PCDH9: variants seen among roughly 807,000 people sequenced by gnomAD.
The protein encoded by PCDH9 is protocadherin 9, also known as protocadherin-9.
Under a neutral mutation model 70.6 loss-of-function variants are expected in PCDH9, and 24 were observed. That is an observed-to-expected ratio of 0.34 (90% CI 0.25 to 0.48). The LOEUF is 0.48. PCDH9 is among the 20% of genes least tolerant of loss of function. The pLI is 0.99. For missense variants in PCDH9, 1,281 were observed against 1,503.6 expected, an observed-to-expected ratio of 0.85 and a Z score of 2.45; for synonymous variants, 562 against 558.5, an observed-to-expected ratio of 1.01 and a Z score of -0.09.
At chr13:66,908,236 T>C (rs2082396830) in intron 2 of PCDH9, among the ~76,000 whole-genome samples, 1 of 152,184 alleles carries the variant, frequency 6.6e-6, no homozygotes, top group Admixed American at 6.5e-5. Flanking sequence ...TCAGTTCTTA[T>C]CTAATGCAAC....
chr13:67,007,304 A>T (rs2084371992), intron 2 of PCDH9, among the ~76,000 whole-genome samples: 1 of 152,174 alleles, frequency 6.6e-6, no homozygotes, highest in African/African-American at 2.4e-5. Context: ...GTATTAAAAG[A>T]TAAAATTTTG....
intron 4 of PCDH9, among the ~76,000 whole-genome samples, chr13:66,459,638 T>A (rs531420196): frequency 6.6e-6 from 1 of 152,048 alleles, no homozygotes; most frequent in Middle Eastern, 3.4e-3. Flanking sequence ...AGAAAGTCAG[T>A]TTGAAGATTG....
intron 2 of PCDH9, among the ~76,000 whole-genome samples, chr13:67,173,339 C>T (rs2088350012): frequency 6.6e-6 from 1 of 152,104 alleles, no homozygotes; most frequent in Non-Finnish European, 1.5e-5. Flanking sequence ...TTGAATCCAC[C>T]TTCCTGTGAG....
At chr13:66,997,292 T>C (rs2084137567) in intron 2 of PCDH9, among the ~76,000 whole-genome samples, 1 of 152,088 alleles carries the variant, frequency 6.6e-6, no homozygotes, top group South Asian at 2.1e-4. Context: ...TTTACAATTA[T>C]AACAGAAGGT....
intron 4 of PCDH9, among the ~76,000 whole-genome samples, chr13:66,358,950 C>T (rs1205855913): frequency 6.6e-6 from 1 of 151,880 alleles, no homozygotes; most frequent in Non-Finnish European, 1.5e-5. Context: ...TTTTTTCCCT[C>T]TAGAGTCATC....
At chr13:66,642,630 G>T (rs1248429605) in intron 3 of PCDH9, among the ~76,000 whole-genome samples, 1 of 151,942 alleles carries the variant, frequency 6.6e-6, no homozygotes. Context: ...TCAACACTTT[G>T]CCTTTCACGA....
intron 4 of PCDH9, among the ~76,000 whole-genome samples, chr13:66,629,142 A>T (rs2077536990): frequency 6.6e-6 from 1 of 152,216 alleles, no homozygotes; most frequent in Non-Finnish European, 1.5e-5. Flanking sequence ...TATTCATTGT[A>T]AATATTCTAC....
intron 4 of PCDH9, among the ~76,000 whole-genome samples, chr13:66,409,445 A>T (rs1306381808): frequency 2.0e-5 from 3 of 152,106 alleles, no homozygotes; most frequent in African/African-American, 7.2e-5. Context: ...AAAGGTAGCA[A>T]ACTCTATACC....
Position 67,227,954 on chromosome 13 carries a change from T to C in PCDH9, c.487A>G (p.Ile163Val). ...GTGTCAGGATCTGTTGCTGATGGAATTGGAAAGCGGCTGTTGATCAAAGTG... is the reference window on the plus strand; with the variant it reads ...GTGTCAGGATCTGTTGCTGATGGAACTGGAAAGCGGCTGTTGATCAAAGTG... The part of the protein sequence containing the change: ...ENTLINSRFP[I>V]PSATDPDTGF... The change falls in exon 2 of 5, where the codon ATT (isoleucine) becomes GTT (valine). Residue 163 changes from isoleucine to valine, a missense_variant. Around this residue, in one of 4 missense-constraint regions of PCDH9, gnomAD observed 798 missense variants for 1,003.1 expected, o/e 0.80. Transcript: ENST00000377865. The surrounding 1 kb of genome is among the most constrained non-coding windows in gnomAD (Gnocchi z 4.6). 1 of 1,614,140 alleles carries C rather than the reference T, an allele frequency of 6.2e-7. No homozygotes were observed. Among genetic ancestry groups the C allele is most frequent in the Non-Finnish European group, 8.5e-7 (1 of 1,180,036 alleles).
chr13:67,062,516 T>C (rs1301106263), intron 2 of PCDH9, among the ~76,000 whole-genome samples: 1 of 152,188 alleles, frequency 6.6e-6, no homozygotes, highest in Non-Finnish European at 1.5e-5. Context: ...ATATTGCATA[T>C]TGTATATTGT....
chr13:66,739,634 A>AG (rs1237928712), intron 3 of PCDH9, among the ~76,000 whole-genome samples: 2 of 151,628 alleles, frequency 1.3e-5, no homozygotes, highest in Non-Finnish European at 1.5e-5. Context: ...TCAAAATAAA[A>AG]GGATGGAGGA....
intron 3 of PCDH9, among the ~76,000 whole-genome samples, chr13:66,851,573 C>CACACA (rs1566240862): frequency 5.5e-5 from 6 of 108,948 alleles, no homozygotes; most frequent in African/African-American, 2.1e-4. Flanking sequence ...CCCGCATCAC[C>CACACA]CTCACACACA....
chr13:66,762,648 T>C (rs879396451), intron 3 of PCDH9, among the ~76,000 whole-genome samples: 4 of 152,046 alleles, frequency 2.6e-5, no homozygotes, highest in African/African-American at 4.8e-5. Context: ...GTTTTGTGCA[T>C]GTATAGTTGT....
chr13:66,473,483 G>C (rs1010833992), intron 4 of PCDH9, among the ~76,000 whole-genome samples: 3 of 151,788 alleles, frequency 2.0e-5, no homozygotes, highest in Non-Finnish European at 4.4e-5. Flanking sequence ...AATACTACTA[G>C]TAGATGCATA....
At chr13:67,215,727 T>C (rs1276035572) in intron 2 of PCDH9, 1 of 152,110 alleles carries the variant, frequency 6.6e-6, no homozygotes, top group East Asian at 1.9e-4. Flanking sequence ...TGAATGATTG[T>C]TGTAAAGATT....
chr13:67,199,623 A>G (rs1308032269), intron 2 of PCDH9, among the ~76,000 whole-genome samples: 2 of 152,070 alleles, frequency 1.3e-5, no homozygotes, highest in Admixed American at 6.6e-5. Flanking sequence ...AAAGGAATGG[A>G]TAGAACTGCT....
intron 2 of PCDH9, among the ~76,000 whole-genome samples, chr13:67,026,170 C>T (rs2084776700): frequency 6.6e-6 from 1 of 152,086 alleles, no homozygotes; most frequent in Non-Finnish European, 1.5e-5. Context: ...TATATTGAAC[C>T]AGCCTTGCAT....
chr13:66,517,783 A>AT (rs1168866809), intron 4 of PCDH9, among the ~76,000 whole-genome samples: 1 of 151,990 alleles, frequency 6.6e-6, no homozygotes, highest in Admixed American at 6.6e-5. Flanking sequence ...ACAATTCTTG[A>AT]TTTTTTTCCT....
chr13:66,317,014 T>C (rs1291456673), intron 4 of PCDH9, among the ~76,000 whole-genome samples: 1 of 152,190 alleles, frequency 6.6e-6, no homozygotes, highest in Non-Finnish European at 1.5e-5. Flanking sequence ...CCAGCCACTG[T>C]GCCCGGCCCG....
Sources: allele counts gnomAD v4.1 joint callset (sites outside exome capture counted in the v4.1 genomes callset), GRCh38; gene constraint gnomAD v4.1.1; regional missense constraint gnomAD v4.1.1; non-coding constraint Gnocchi (gnomAD v3.1); transcripts MANE v1.5; gene names NCBI Gene and HGNC (gene_info 2026-07-23, HGNC 2026-07-21).